The following KCNIP4 variants were observed in gnomAD, a reference collection of about 807,000 sequenced individuals.
KCNIP4 encodes potassium voltage-gated channel interacting protein 4.
In KCNIP4, 12 loss-of-function variants were observed where a neutral mutation model predicts 34.0. The observed-to-expected ratio is 0.35, with a 90% CI of 0.23 to 0.57. KCNIP4 has a LOEUF of 0.57. Among genes scored for constraint, KCNIP4 ranks in the 20% least tolerant of loss-of-function variants. The pLI, the probability that KCNIP4 is intolerant of heterozygous loss-of-function variation, is 0.83. For missense variants in KCNIP4, 238 were observed against 311.7 expected (o/e 0.76, Z 1.78); for synonymous variants, 124 against 102.2 (o/e 1.21, Z -1.29).
At chr4:21,425,518 C>T (rs1227930681) in intron 1 of KCNIP4, among the ~76,000 whole-genome samples, 2 of 151,796 alleles carry the variant, frequency 1.3e-5, no homozygotes, top group African/African-American at 2.4e-5. Flanking sequence ...AAAAGTAATC[C>T]TTTAAAGAAT....
intron 1 of KCNIP4, among the ~76,000 whole-genome samples, chr4:21,512,800 C>T (rs547282581): frequency 4.6e-5 from 7 of 152,256 alleles, no homozygotes; most frequent in African/African-American, 7.2e-5. Context: ...TTCTTTTGGA[C>T]TGAATAAAGG....
At chr4:20,757,308 G>A (rs62411667) in intron 4 of KCNIP4, among the ~76,000 whole-genome samples, 2,966 of 152,120 alleles carry the variant, frequency 0.019, 43 homozygotes, top group Middle Eastern at 0.031. Context: ...GCCTCCTACA[G>A]CAGTAATCTT....
rs1043003161 is a variant in KCNIP4 at position 21,234,587 on chromosome 4, G to A, written c.62-351878C>T. Among the ~76,000 whole-genome samples the A allele has an allele frequency of 6.3e-4, 79 of 125,614 alleles. 2 individuals are homozygous for A. The highest frequency in any genetic ancestry group is 2.2e-3 in the African/African-American group (66 of 30,634). The allele number at this position is 125,614 out of a possible 152,430, so 82.4% of individuals were successfully genotyped here. A position where few individuals can be genotyped will look rare whatever the true frequency, so the allele number is the denominator to read the frequency against. ...GTATATAATATATATTACATATAACGTATATAATATATATTACATATAACG... is the reference window on the plus strand; with the variant it reads ...GTATATAATATATATTACATATAACATATATAATATATATTACATATAACG... On this transcript the variant is annotated intron_variant, in intron 1 of 8. Coordinates refer to ENST00000382152, the MANE Select transcript of KCNIP4 (RefSeq NM_025221.6).
intron 1 of KCNIP4, among the ~76,000 whole-genome samples, chr4:21,224,576 C>CTTTT (rs1758222167): frequency 2.1e-4 from 20 of 95,698 alleles, no homozygotes; most frequent in African/African-American, 1.0e-3. Context: ...AATTTTTCAA[C>CTTTT]TGTTTTTTTT....
At chr4:21,772,218 A>G (rs1718844653) in intron 1 of KCNIP4, among the ~76,000 whole-genome samples, 1 of 152,168 alleles carries the variant, frequency 6.6e-6, no homozygotes, top group African/African-American at 2.4e-5. Context: ...TACGTGATGG[A>G]TGACGTTTAT....
intron 1 of KCNIP4, among the ~76,000 whole-genome samples, chr4:21,326,062 A>C (rs1377860567): frequency 6.6e-6 from 1 of 151,892 alleles, no homozygotes; most frequent in Non-Finnish European, 1.5e-5. Flanking sequence ...AATAATGTGT[A>C]TTCTGCAGCT....
intron 1 of KCNIP4, among the ~76,000 whole-genome samples, chr4:21,573,689 C>A (rs1044536668): frequency 1.2e-4 from 19 of 152,014 alleles, no homozygotes; most frequent in Non-Finnish European, 2.6e-4. Context: ...AAGGTCATTT[C>A]AACTTATGAC....
At chr4:21,623,528 G>C (rs780334799) in intron 1 of KCNIP4, among the ~76,000 whole-genome samples, 4 of 151,970 alleles carry the variant, frequency 2.6e-5, no homozygotes, top group African/African-American at 4.8e-5. Flanking sequence ...AGCTTATGTT[G>C]GTTCCCAAAC....
intron 1 of KCNIP4, among the ~76,000 whole-genome samples, chr4:21,623,995 C>T (rs1745155813): frequency 6.6e-6 from 1 of 152,098 alleles, no homozygotes; most frequent in African/African-American, 2.4e-5. Flanking sequence ...ATACTGTATA[C>T]ATGCACAAGA....
intron 1 of KCNIP4, among the ~76,000 whole-genome samples, chr4:21,928,641 GT>G (rs773148921): frequency 2.6e-5 from 4 of 152,068 alleles, no homozygotes; most frequent in Non-Finnish European, 4.4e-5. Flanking sequence ...AGACTACAGT[GT>G]ATGTCTGACT....
At chr4:21,498,498 T>A (rs1316713279) in intron 1 of KCNIP4, among the ~76,000 whole-genome samples, 1 of 152,214 alleles carries the variant, frequency 6.6e-6, no homozygotes, top group Non-Finnish European at 1.5e-5. Flanking sequence ...AACTAATTCA[T>A]TAATTAAATA....
chr4:21,731,327 C>T (rs903988742), intron 1 of KCNIP4, among the ~76,000 whole-genome samples: 14 of 151,970 alleles, frequency 9.2e-5, no homozygotes, highest in Admixed American at 2.0e-4. Flanking sequence ...TATACACAAA[C>T]GATATAGCAG....
intron 1 of KCNIP4, among the ~76,000 whole-genome samples, chr4:21,694,534 G>A (rs1560636591): frequency 6.6e-6 from 1 of 152,076 alleles, no homozygotes; most frequent in Non-Finnish European, 1.5e-5. Context: ...TATGTAGGAA[G>A]TTTCAGGGAA....
chr4:21,155,638 G>A (rs1252428433), intron 1 of KCNIP4, among the ~76,000 whole-genome samples: 3 of 152,162 alleles, frequency 2.0e-5, no homozygotes, highest in East Asian at 1.9e-4. Flanking sequence ...TCACTTGTCA[G>A]TAATATAGTC....
At chr4:20,987,570 G>A (rs1266075844) in intron 1 of KCNIP4, among the ~76,000 whole-genome samples, 7 of 152,240 alleles carry the variant, frequency 4.6e-5, no homozygotes, top group East Asian at 3.9e-4. Context: ...AAACTAAGGC[G>A]CATTGGGATT....
chr4:21,211,086 T>C lies in KCNIP4; in HGVS notation c.62-328377A>G, dbSNP rs185998325. Among the ~76,000 whole-genome samples the C allele has an allele frequency of 1.1e-4, 17 of 152,202 alleles. No homozygotes were observed. In the East Asian group the frequency reaches 3.1e-3, roughly 28 times the overall value. ...ACATAATCTCTTACCAGGTGATAGG[T>C]TGGTCATGTGATATCTTTTTCTGAT... On this transcript the variant is annotated intron_variant, in intron 1 of 8. Coordinates refer to ENST00000382152, the MANE Select transcript of KCNIP4 (RefSeq NM_025221.6).
intron 3 of KCNIP4, among the ~76,000 whole-genome samples, chr4:20,807,284 C>A (rs976298171): frequency 3.9e-5 from 6 of 152,072 alleles, no homozygotes; most frequent in Non-Finnish European, 7.4e-5. Context: ...TAGCTCATGT[C>A]AGTATAAATG....
chr4:21,564,612 C>T (rs758088362), intron 1 of KCNIP4, among the ~76,000 whole-genome samples: 6 of 151,988 alleles, frequency 3.9e-5, no homozygotes, highest in Non-Finnish European at 7.4e-5. Flanking sequence ...TTTGTAATTC[C>T]GTGTCTTAGT....
intron 2 of KCNIP4, among the ~76,000 whole-genome samples, chr4:20,853,599 A>G (rs369713243): frequency 5.7e-5 from 8 of 140,776 alleles, no homozygotes; most frequent in Non-Finnish European, 1.3e-4. Context: ...TCTCATGACC[A>G]AGAACCCAAA....
Sources: allele counts gnomAD v4.1 joint callset (sites outside exome capture counted in the v4.1 genomes callset), GRCh38; gene constraint gnomAD v4.1.1; transcripts MANE v1.5; gene names NCBI Gene and HGNC (gene_info 2026-07-23, HGNC 2026-07-21).